Variants in PRKX observed in about 807,000 individuals in gnomAD.
PRKX encodes the protein protein kinase cAMP-dependent X-linked catalytic subunit.
Under a neutral mutation model 22.0 loss-of-function variants are expected in PRKX, and 12 were observed. That is an observed-to-expected ratio of 0.54 (90% CI 0.35 to 0.88). The LOEUF (loss-of-function observed/expected upper bound fraction) is 0.88, where lower values mean the gene tolerates loss of function less well. Among genes scored for constraint, PRKX ranks in the 40% least tolerant of loss-of-function variants. The pLI, the probability that PRKX is intolerant of heterozygous loss-of-function variation, is 0.01. For missense variants in PRKX, 217 were observed against 308.0 expected (o/e 0.70, Z 2.21); for synonymous variants, 134 against 137.7 (o/e 0.97, Z 0.19).
intron 1 of PRKX, among the ~76,000 whole-genome samples, chrX:3,694,885 G>A (rs777755011): frequency 1.6e-3 from 181 of 111,567 alleles, no homozygotes; most frequent in Non-Finnish European, 2.9e-3. Context: ...CCCAGGAGCC[G>A]GGAGAGGCAG....
At chrX:3,702,107 G>A (rs1433123263) in intron 1 of PRKX, among the ~76,000 whole-genome samples, 1 of 111,502 alleles carries the variant, frequency 9.0e-6, no homozygotes, top group African/African-American at 3.3e-5. Flanking sequence ...TTGGTGTCTG[G>A]ATATGGACCC....
chrX:3,669,126 A>G (rs1218503475), intron 2 of PRKX, among the ~76,000 whole-genome samples: 1 of 111,916 alleles, frequency 8.9e-6, no homozygotes, highest in Non-Finnish European at 1.9e-5. Context: ...CAATCTATCA[A>G]TCAATCACCT....
At chrX:3,624,190 C>T (rs766381205) in intron 5 of PRKX, among the ~76,000 whole-genome samples, 1 of 111,487 alleles carries the variant, frequency 9.0e-6, no homozygotes, top group African/African-American at 3.3e-5. Flanking sequence ...AGCAAGATCC[C>T]CATACCCATC....
chrX:3,624,018 C>T (rs1926610928), intron 5 of PRKX, among the ~76,000 whole-genome samples: 1 of 111,491 alleles, frequency 9.0e-6, no homozygotes, highest in African/African-American at 3.3e-5. Flanking sequence ...AGCAGAGAAT[C>T]AAAATTCTAG....
intron 2 of PRKX, among the ~76,000 whole-genome samples, chrX:3,670,649 G>A (rs1428972303): frequency 9.1e-6 from 1 of 110,180 alleles, no homozygotes; most frequent in Admixed American, 9.7e-5. Flanking sequence ...AGGATCAAGC[G>A]ATCCCCCTAC....
At chrX:3,687,550 A>AC (rs1326943325) in intron 1 of PRKX, among the ~76,000 whole-genome samples, 1 of 111,732 alleles carries the variant, frequency 8.9e-6, no homozygotes, top group Admixed American at 9.6e-5. Flanking sequence ...CACAGCTGGC[A>AC]CAACAGTCCC....
chrX:3,615,049 G>A (rs1356832534), intron 7 of PRKX, among the ~76,000 whole-genome samples: 1 of 82,705 alleles, frequency 1.2e-5, no homozygotes, highest in Non-Finnish European at 2.2e-5. Context: ...GACAGGGTCT[G>A]GCTCTGTCGC....
At chrX:3,671,155 G>A (rs1157984597) in intron 2 of PRKX, among the ~76,000 whole-genome samples, 1 of 111,571 alleles carries the variant, frequency 9.0e-6, no homozygotes, top group East Asian at 2.8e-4. Flanking sequence ...TAGTGCCCCA[G>A]CCTCCCAAGT....
chrX:3,657,039 C>T (rs1238258927), intron 2 of PRKX, among the ~76,000 whole-genome samples: 3 of 111,740 alleles, frequency 2.7e-5, no homozygotes, highest in Non-Finnish European at 5.6e-5. Flanking sequence ...ATCACTTCCC[C>T]CAAAGCTCCA....
chrX:3,696,581 G>A (rs995953603), intron 1 of PRKX, among the ~76,000 whole-genome samples: 9 of 111,744 alleles, frequency 8.1e-5, no homozygotes, highest in African/African-American at 2.3e-4. Flanking sequence ...ATGGGTACTC[G>A]AAGCGCGGGT....
intron 2 of PRKX, among the ~76,000 whole-genome samples, chrX:3,670,470 C>T (rs1256956763): frequency 1.8e-5 from 2 of 111,849 alleles, no homozygotes; most frequent in African/African-American, 3.2e-5. Context: ...TGCAGGGCAC[C>T]GAAAGATCAA....
At chrX:3,689,760 AAG>A (rs1251245342) in intron 1 of PRKX, among the ~76,000 whole-genome samples, 3 of 111,636 alleles carry the variant, frequency 2.7e-5, no homozygotes, top group East Asian at 2.8e-4. Flanking sequence ...GGCGGATCAC[AAG>A]GTCAGGAGAT....
At chrX:3,702,721 TCTCA>T (rs1188217421) in intron 1 of PRKX, among the ~76,000 whole-genome samples, 3 of 94,332 alleles carry the variant, frequency 3.2e-5, no homozygotes, top group Non-Finnish European at 6.3e-5. Flanking sequence ...TGAGGCAGGG[TCTCA>T]CTCTGTCACA....
chrX:3,688,344 G>A (rs1451967481), intron 1 of PRKX, among the ~76,000 whole-genome samples: 1 of 102,722 alleles, frequency 9.7e-6, no homozygotes, highest in African/African-American at 3.5e-5. Flanking sequence ...TACTCAGGAG[G>A]CTGAGGCAGG....
intron 3 of PRKX, among the ~76,000 whole-genome samples, chrX:3,652,172 A>C (rs1403459735): frequency 9.0e-6 from 1 of 110,704 alleles, no homozygotes; most frequent in Non-Finnish European, 1.9e-5. Context: ...TAATCCTAGC[A>C]CTTTGGGATG....
intron 1 of PRKX, among the ~76,000 whole-genome samples, chrX:3,688,554 C>G (rs1327478650): frequency 1.1e-5 from 1 of 87,104 alleles, no homozygotes; most frequent in Non-Finnish European, 2.5e-5. Context: ...GGAACATGCT[C>G]TTGTTCCACA....
intron 1 of PRKX, among the ~76,000 whole-genome samples, chrX:3,698,576 T>TTG (rs979339202): frequency 4.5e-5 from 5 of 111,440 alleles, no homozygotes; most frequent in Non-Finnish European, 9.4e-5. Context: ...TTTTTTGTTT[T>TTG]TGTGTGTGTG....
intron 4 of PRKX, among the ~76,000 whole-genome samples, chrX:3,638,527 C>G (rs778686050): frequency 9.0e-6 from 1 of 111,496 alleles, no homozygotes; most frequent in Non-Finnish European, 1.9e-5. Context: ...GGACGCTGAT[C>G]AATATGCCTA....
intron 6 of PRKX, among the ~76,000 whole-genome samples, chrX:3,620,604 T>C (rs1428420963): frequency 1.8e-5 from 2 of 112,395 alleles, no homozygotes; most frequent in Non-Finnish European, 3.8e-5. Flanking sequence ...AGATCAGCAG[T>C]GGCATTAGAT....
Sources: gnomAD v4.1 joint callset for allele counts (sites outside exome capture counted in the v4.1 genomes callset) on GRCh38, gnomAD v4.1.1 for gene constraint, MANE v1.5 for transcripts, NCBI Gene and HGNC (gene_info 2026-07-23, HGNC 2026-07-21) for gene names.